Variants in GRM5 observed in about 807,000 individuals in gnomAD.
GRM5 encodes the protein glutamate metabotropic receptor 5, also known as metabotropic glutamate receptor 5.
In GRM5, 19 loss-of-function variants were observed where a neutral mutation model predicts 83.1. The observed-to-expected ratio is 0.23, with a 90% CI of 0.16 to 0.34. The LOEUF (loss-of-function observed/expected upper bound fraction) is 0.34. Ranked by LOEUF, GRM5 falls within the 10% of genes least tolerant of loss-of-function variation. GRM5 has a pLI of 1.00. For synonymous variants in GRM5, 675 were observed against 633.6 expected, an observed-to-expected ratio of 1.07 and a Z score of -0.98; for missense variants, 1,160 against 1,588.3, an observed-to-expected ratio of 0.73 and a Z score of 4.58.
intron 2 of GRM5, among the ~76,000 whole-genome samples, chr11:88,986,170 A>G (rs1939703305): frequency 6.6e-6 from 1 of 152,214 alleles, no homozygotes; most frequent in African/African-American, 2.4e-5. Context: ...GTAACAAAAA[A>G]GAACAACCTA....
chr11:88,741,243 G>C (rs1384847626), intron 3 of GRM5, among the ~76,000 whole-genome samples: 1 of 152,028 alleles, frequency 6.6e-6, no homozygotes, highest in East Asian at 1.9e-4. Context: ...GCAAACTACA[G>C]AGTACAGAAA....
In GRM5 at chr11:89,020,836, A is replaced by G. The variant is rs547242812; in HGVS notation, c.661+26376T>C. On this transcript the variant is annotated intron_variant, in intron 2 of 9. Transcript: ENST00000305447. ...AATCATTATCTCATTTAATTCTCAA[A>G]TATCCTTCCATGTAATCACAATGAA... 5.9e-5 allele frequency among the ~76,000 whole-genome samples: 9 copies of G among 152,362 alleles called. No homozygotes were observed. In the East Asian group the frequency reaches 1.5e-3, roughly 26 times the overall value.
rs371954870 is a variant in GRM5, at chr11:88,783,423, T to A, written c.911+66483A>T. On this transcript the variant is annotated intron_variant, in intron 3 of 9. Transcript: ENST00000305447. Reference sequence around the variant, plus strand: ...TCACATACAAGATGGCTATTTAAAATTTTACAGGCACTAGCACACTAAAAA... The same window carrying A: ...TCACATACAAGATGGCTATTTAAAAATTTACAGGCACTAGCACACTAAAAA... 2.4e-4 allele frequency among the ~76,000 whole-genome samples: 36 copies of A among 152,214 alleles called. No individual in the cohort carries two copies. In the Middle Eastern group the frequency reaches 0.017, roughly 72 times the overall value.
chr11:89,022,709 T>G (rs1255693202), intron 2 of GRM5, among the ~76,000 whole-genome samples: 1 of 152,092 alleles, frequency 6.6e-6, no homozygotes, highest in Non-Finnish European at 1.5e-5. Flanking sequence ...ATTTTACTCT[T>G]TTTTACTTTC....
chr11:88,973,404 G>A (rs1939227397), intron 2 of GRM5, among the ~76,000 whole-genome samples: 1 of 152,112 alleles, frequency 6.6e-6, no homozygotes, highest in African/African-American at 2.4e-5. Flanking sequence ...AGATTATCTT[G>A]GATTGTTCAG....
intron 6 of GRM5, among the ~76,000 whole-genome samples, 190 bp from the exon 7 acceptor site, chr11:88,590,917 C>T (rs910396014): frequency 2.6e-5 from 4 of 152,078 alleles, no homozygotes; most frequent in African/African-American, 9.7e-5. Flanking sequence ...TTAAACAAGT[C>T]CAGCGTCATA....
At chr11:88,678,628 G>A (rs1591434631) in intron 3 of GRM5, among the ~76,000 whole-genome samples, 1 of 151,990 alleles carries the variant, frequency 6.6e-6, no homozygotes, top group Non-Finnish European at 1.5e-5. Context: ...TAGCTTTGAT[G>A]CCATAAGAGT....
At chr11:88,566,137 G>A (rs570969753) in intron 8 of GRM5, among the ~76,000 whole-genome samples, 50 of 152,326 alleles carry the variant, frequency 3.3e-4, no homozygotes, top group African/African-American at 1.2e-3. Flanking sequence ...CAGGGCTGAT[G>A]TCTTGACCAG....
intron 3 of GRM5, among the ~76,000 whole-genome samples, chr11:88,671,382 G>A (rs771148666): frequency 1.3e-5 from 2 of 152,044 alleles, no homozygotes; most frequent in African/African-American, 2.4e-5. Flanking sequence ...GACCAGGATC[G>A]TCCAAGAGCA....
intron 4 of GRM5, among the ~76,000 whole-genome samples, chr11:88,627,342 G>A (rs1938828464): frequency 7.4e-6 from 1 of 135,594 alleles, no homozygotes; most frequent in South Asian, 2.8e-4. Flanking sequence ...TTATTAATAT[G>A]AGATACATGA....
At chr11:88,511,003 G>T (rs1160637640) in intron 9 of GRM5, among the ~76,000 whole-genome samples, 1 of 152,200 alleles carries the variant, frequency 6.6e-6, no homozygotes, top group African/African-American at 2.4e-5. Context: ...ACAGCCTATG[G>T]TTATTAAACT....
chr11:88,756,771 TA>T (rs1261244251), intron 3 of GRM5, among the ~76,000 whole-genome samples: 2 of 151,660 alleles, frequency 1.3e-5, no homozygotes, highest in Non-Finnish European at 2.9e-5. Context: ...AGGAGAAGAG[TA>T]AAAAGATAAG....
intron 3 of GRM5, among the ~76,000 whole-genome samples, chr11:88,838,399 C>A (rs1944133717): frequency 6.6e-6 from 1 of 152,112 alleles, no homozygotes; most frequent in African/African-American, 2.4e-5. Context: ...TTTTATGGAG[C>A]AGTCTGTTCT....
At chr11:88,840,556 T>A (rs1459796467) in intron 3 of GRM5, among the ~76,000 whole-genome samples, 2 of 152,202 alleles carry the variant, frequency 1.3e-5, no homozygotes, top group African/African-American at 2.4e-5. Flanking sequence ...ATACACAAGA[T>A]CTGGAAACAG....
Position 88,684,517 on chromosome 11 carries a change from G to C in GRM5, c.912-31114C>G, listed in dbSNP as rs563866727. Reference sequence around the variant, plus strand: ...TTGGATGTGCGGAGTTATAAATAGAGAGGAGCAAAGGGTGAGCTTAAGGTT... The same window carrying C: ...TTGGATGTGCGGAGTTATAAATAGACAGGAGCAAAGGGTGAGCTTAAGGTT... On this transcript the variant is annotated intron_variant, in intron 3 of 9. Coordinates refer to ENST00000305447, the MANE Select transcript of GRM5 (RefSeq NM_001143831.3). Among the ~76,000 whole-genome samples, 4 of 152,328 alleles carry C rather than the reference G, an allele frequency of 2.6e-5. No homozygotes were observed. The South Asian group carries it at 6.2e-4, about 24-fold the overall frequency.
intron 8 of GRM5, among the ~76,000 whole-genome samples, chr11:88,556,125 T>G (rs534718901): frequency 1.2e-4 from 19 of 152,170 alleles, no homozygotes; most frequent in African/African-American, 4.3e-4. Context: ...GATAGAGCAA[T>G]GATTTCCTAG....
In GRM5 at chr11:88,869,943, G is replaced by A. The variant is rs1944734746; in HGVS notation, c.662-19788C>T. On this transcript the variant is annotated intron_variant, in intron 2 of 9. Transcript: ENST00000305447. ...TTACATAAACAAGTAGATTCTTTTT[G>A]CTTGATTTTAATTTCCATAACTTAC... is the stretch of plus-strand genomic sequence containing the variant. 2.0e-5 allele frequency among the ~76,000 whole-genome samples: 3 copies of A among 151,292 alleles called. No homozygotes were observed. The South Asian group carries it at 6.2e-4, about 31-fold the overall frequency.
At chr11:88,833,463 T>C (rs564526484) in intron 3 of GRM5, among the ~76,000 whole-genome samples, 29 of 144,516 alleles carry the variant, frequency 2.0e-4, no homozygotes, top group African/African-American at 8.1e-4. Flanking sequence ...ATGGCTATTA[T>C]TAAAAAGACA....
intron 2 of GRM5, among the ~76,000 whole-genome samples, chr11:89,006,308 A>G (rs1940522291): frequency 6.6e-6 from 1 of 152,218 alleles, no homozygotes; most frequent in South Asian, 2.1e-4. Flanking sequence ...TGAGGCTTAA[A>G]TGAGATAAGT....
Sources: gnomAD v4.1 joint callset for allele counts (sites outside exome capture counted in the v4.1 genomes callset) on GRCh38, gnomAD v4.1.1 for gene constraint, MANE v1.5 for transcripts, NCBI Gene and HGNC (gene_info 2026-07-23, HGNC 2026-07-21) for gene names.